The following DLG2 variants were observed in gnomAD, a reference collection of about 807,000 sequenced individuals.
DLG2 encodes the protein disks large homolog 2.
DLG2 carries 45 observed loss-of-function variants against 132.5 expected under a neutral mutation model. The observed-to-expected ratio is 0.34, with a 90% CI of 0.27 to 0.44. The LOEUF (loss-of-function observed/expected upper bound fraction) is 0.44, where lower values mean the gene tolerates loss of function less well. Ranked by LOEUF, DLG2 falls within the 20% of genes least tolerant of loss-of-function variation. DLG2 has a pLI of 1.00. For missense variants in DLG2, 1,045 were observed against 1,196.9 expected (o/e 0.87, Z 1.87); for synonymous variants, 424 against 419.6 (o/e 1.01, Z -0.13).
intron 16 of DLG2, among the ~76,000 whole-genome samples, chr11:83,873,311 G>C (rs2063837325): frequency 1.3e-5 from 2 of 152,136 alleles, no homozygotes; most frequent in Admixed American, 6.5e-5. Context: ...GTTTGGCTGT[G>C]TGTCCCCACC....
At chr11:84,716,328 A>G (rs1267379087) in intron 6 of DLG2, among the ~76,000 whole-genome samples, 1 of 152,092 alleles carries the variant, frequency 6.6e-6, no homozygotes, top group African/African-American at 2.4e-5. Context: ...AGAATACTGT[A>G]ATTTATAAAG....
intron 7 of DLG2, among the ~76,000 whole-genome samples, chr11:84,389,942 A>T (rs1483409902): frequency 6.6e-6 from 1 of 152,178 alleles, no homozygotes; most frequent in African/African-American, 2.4e-5. Flanking sequence ...TGCTAACAAC[A>T]GTTATTCCAA....
At chr11:84,349,754 T>C (rs1324175032) in intron 7 of DLG2, among the ~76,000 whole-genome samples, 1 of 152,196 alleles carries the variant, frequency 6.6e-6, no homozygotes, top group African/African-American at 2.4e-5. Flanking sequence ...TATACACCAA[T>C]GTGGTCACTT....
intron 3 of DLG2, among the ~76,000 whole-genome samples, chr11:85,435,373 T>C (rs1274405830): frequency 6.6e-6 from 1 of 152,206 alleles, no homozygotes; most frequent in Non-Finnish European, 1.5e-5. Context: ...AGTCAAATTG[T>C]CGCTGTTTGC....
At chr11:84,878,684 T>C (rs548107840) in intron 6 of DLG2, among the ~76,000 whole-genome samples, 16 of 152,074 alleles carry the variant, frequency 1.1e-4, no homozygotes, top group Non-Finnish European at 1.6e-4. Flanking sequence ...TGCACATGTA[T>C]ACCAGAACTT....
intron 7 of DLG2, among the ~76,000 whole-genome samples, chr11:84,295,150 GAGCTCTGA>G (rs2098072403): frequency 6.6e-6 from 1 of 152,106 alleles, no homozygotes; most frequent in African/African-American, 2.4e-5. Context: ...CTCAGAACCT[GAGCTCTGA>G]TTACAAATCA....
chr11:84,396,227 T>A (rs1451655284), intron 7 of DLG2, among the ~76,000 whole-genome samples: 1 of 152,226 alleles, frequency 6.6e-6, no homozygotes, highest in Non-Finnish European at 1.5e-5. Flanking sequence ...ATGAAGAGTT[T>A]CCAGGAAGGA....
intron 7 of DLG2, among the ~76,000 whole-genome samples, chr11:84,502,676 GA>G (rs1430240998): frequency 1.3e-5 from 2 of 151,814 alleles, no homozygotes; most frequent in South Asian, 2.1e-4. Flanking sequence ...GGCATTACAG[GA>G]GAACCATTTC....
chr11:83,571,044 G>A (rs986236735), intron 19 of DLG2, among the ~76,000 whole-genome samples: 5 of 151,864 alleles, frequency 3.3e-5, no homozygotes, highest in African/African-American at 7.3e-5. Flanking sequence ...CACCACGCCC[G>A]GCTAATTTTG....
intron 3 of DLG2, among the ~76,000 whole-genome samples, chr11:85,594,690 T>C (rs72955922): frequency 0.041 from 6,255 of 152,228 alleles, 179 homozygotes; most frequent in East Asian, 0.095. Flanking sequence ...ATATTATTTA[T>C]TTAAAGTCTT....
intron 17 of DLG2, among the ~76,000 whole-genome samples, chr11:83,804,867 G>A (rs2045508637): frequency 6.6e-6 from 1 of 151,814 alleles, no homozygotes; most frequent in African/African-American, 2.4e-5. Flanking sequence ...TTTATGCATT[G>A]CATTTGGTTG....
At chr11:85,461,446 T>C (rs76690508) in intron 3 of DLG2, among the ~76,000 whole-genome samples, 111 of 152,332 alleles carry the variant, frequency 7.3e-4, no homozygotes, top group African/African-American at 2.6e-3. Flanking sequence ...AAAAAACAGT[T>C]ATGCAGTTTC....
chr11:83,993,894 T>C (rs994174514), intron 11 of DLG2, among the ~76,000 whole-genome samples: 3 of 152,120 alleles, frequency 2.0e-5, no homozygotes, highest in Admixed American at 1.3e-4. Flanking sequence ...TCATCTCACA[T>C]GTTGAAGTTT....
chr11:84,885,671 G>C (rs887199841), intron 6 of DLG2, among the ~76,000 whole-genome samples: 3 of 152,064 alleles, frequency 2.0e-5, no homozygotes, highest in East Asian at 1.9e-4. Context: ...CATCTCATAG[G>C]ATAAATGTGT....
chr11:84,847,848 G>A (rs1362184204), intron 6 of DLG2, among the ~76,000 whole-genome samples: 1 of 152,034 alleles, frequency 6.6e-6, no homozygotes, highest in Non-Finnish European at 1.5e-5. Flanking sequence ...TGTGCCTTCT[G>A]TCTCATAAAG....
rs1403024904 is a variant in DLG2 at position 84,847,294 on chromosome 11, A to G, written c.357+264367T>C. Among the ~76,000 whole-genome samples, 3 of 152,162 alleles carry G rather than the reference A, an allele frequency of 2.0e-5. No individual in the cohort carries two copies. In the East Asian group the frequency reaches 5.8e-4, roughly 29 times the overall value. On this transcript the variant is annotated intron_variant, in intron 6 of 27. Transcript: ENST00000376104. ...GGAGCACTGCTATCAGAGGCTAGAG[A>G]AAAGGTTGTTTGCATGACAGTGTAA...
At chr11:85,390,241 A>C (rs1301695884) in intron 3 of DLG2, among the ~76,000 whole-genome samples, 1 of 152,104 alleles carries the variant, frequency 6.6e-6, no homozygotes, top group Non-Finnish European at 1.5e-5. Flanking sequence ...AAGCAACAGC[A>C]GTTGAAAAAA....
At chr11:85,325,320 G>A (rs2081386659) in intron 3 of DLG2, among the ~76,000 whole-genome samples, 1 of 152,152 alleles carries the variant, frequency 6.6e-6, no homozygotes, top group African/African-American at 2.4e-5. Flanking sequence ...CTGGGGGCAG[G>A]GCACAGACAA....
At chr11:83,557,453 T>A (rs2096539816) in intron 19 of DLG2, among the ~76,000 whole-genome samples, 1 of 152,216 alleles carries the variant, frequency 6.6e-6, no homozygotes, top group Non-Finnish European at 1.5e-5. Context: ...TGAGATCTCA[T>A]CTGTCTTTAG....
Sources: allele counts gnomAD v4.1 joint callset (sites outside exome capture counted in the v4.1 genomes callset), GRCh38; gene constraint gnomAD v4.1.1; transcripts MANE v1.5; gene names NCBI Gene and HGNC (gene_info 2026-07-23, HGNC 2026-07-21).